The following LHFPL3 variants were observed in gnomAD, a reference collection of about 807,000 sequenced individuals.
The protein encoded by LHFPL3 is LHFPL tetraspan subfamily member 3 protein.
Under a neutral mutation model 19.3 loss-of-function variants are expected in LHFPL3, and 5 were observed. That is an observed-to-expected ratio of 0.26 (90% CI 0.14 to 0.54). The LOEUF (loss-of-function observed/expected upper bound fraction) is 0.54, where lower values mean the gene tolerates loss of function less well. LHFPL3 is among the 20% of genes least tolerant of loss of function. The pLI is 0.94. For missense variants in LHFPL3, 249 were observed against 307.4 expected (o/e 0.81, Z 1.42); for synonymous variants, 133 against 126.2 (o/e 1.05, Z -0.36).
At chr7:104,669,191 G>A (rs1792423142) in intron 1 of LHFPL3, 4 of 1,613,736 alleles carry the variant, frequency 2.5e-6, no homozygotes, top group Admixed American at 1.7e-5. Context: ...GAGAATGCTT[G>A]GGTGAAGCGA....
At chr7:104,866,078 C>G (rs1791714747) in intron 2 of LHFPL3, among the ~76,000 whole-genome samples, 2 of 152,124 alleles carry the variant, frequency 1.3e-5, no homozygotes, top group African/African-American at 4.8e-5. Flanking sequence ...GAAGGAAGCA[C>G]TAAACATGGA....
chr7:104,535,713 G>A (rs1185779328), intron 1 of LHFPL3, among the ~76,000 whole-genome samples: 1 of 152,210 alleles, frequency 6.6e-6, no homozygotes, highest in Non-Finnish European at 1.5e-5. Flanking sequence ...GACCAGGCTA[G>A]CCTTTGAGAG....
chr7:104,358,103 T>C (rs931472428), intron 1 of LHFPL3, among the ~76,000 whole-genome samples: 3 of 152,168 alleles, frequency 2.0e-5, no homozygotes, highest in African/African-American at 7.2e-5. Flanking sequence ...TTTATTTATA[T>C]GAAATATCCA....
intron 1 of LHFPL3, among the ~76,000 whole-genome samples, chr7:104,611,041 G>A (rs768061565): frequency 2.0e-5 from 3 of 152,150 alleles, no homozygotes; most frequent in Admixed American, 6.6e-5. Flanking sequence ...AGTGAGACAG[G>A]AACAGTGAGA....
intron 1 of LHFPL3, among the ~76,000 whole-genome samples, chr7:104,396,514 G>A (rs867977417): frequency 5.3e-4 from 80 of 151,930 alleles, no homozygotes; most frequent in African/African-American, 1.7e-3. Context: ...TCAAGGAAAG[G>A]ATAACATCTA....
chr7:104,559,584 A>G (rs1382747561), intron 1 of LHFPL3, among the ~76,000 whole-genome samples: 1 of 151,866 alleles, frequency 6.6e-6, no homozygotes, highest in Admixed American at 6.6e-5. Flanking sequence ...TTTTGGGCTG[A>G]GACGATGGGG....
At chr7:104,443,458 C>G (rs1303296422) in intron 1 of LHFPL3, among the ~76,000 whole-genome samples, 1 of 152,092 alleles carries the variant, frequency 6.6e-6, no homozygotes, top group East Asian at 1.9e-4. Flanking sequence ...TTGGTATGAC[C>G]CCCTCCCCAC....
intron 1 of LHFPL3, among the ~76,000 whole-genome samples, chr7:104,335,563 G>A (rs73193609): frequency 0.11 from 16,587 of 151,972 alleles, 1,279 homozygotes; most frequent in African/African-American, 0.21. Context: ...AAAAATAACC[G>A]GTCCCATATA....
At chr7:104,506,981 G>A (rs897865324) in intron 1 of LHFPL3, among the ~76,000 whole-genome samples, 1 of 152,180 alleles carries the variant, frequency 6.6e-6, no homozygotes, top group African/African-American at 2.4e-5. Context: ...CAGATATGTG[G>A]ACAGTCTCTA....
At chr7:104,624,222 C>T (rs959621029) in intron 1 of LHFPL3, among the ~76,000 whole-genome samples, 14 of 152,122 alleles carry the variant, frequency 9.2e-5, no homozygotes, top group African/African-American at 2.4e-4. Flanking sequence ...AAAACACGAG[C>T]GTCTATCTCC....
chr7:104,469,375 A>G (rs1241252518), intron 1 of LHFPL3, among the ~76,000 whole-genome samples: 2 of 152,156 alleles, frequency 1.3e-5, no homozygotes, highest in Admixed American at 1.3e-4. Context: ...ATACAGTGCT[A>G]CTCATTTTGT....
At chr7:104,417,863 C>CTT (rs1562890932) in intron 1 of LHFPL3, among the ~76,000 whole-genome samples, 1 of 122,508 alleles carries the variant, frequency 8.2e-6, no homozygotes, top group African/African-American at 3.6e-5. Flanking sequence ...TCTAATTCTT[C>CTT]TTCTTCTTCT....
intron 1 of LHFPL3, among the ~76,000 whole-genome samples, chr7:104,462,086 C>T (rs2097614): frequency 0.79 from 120,850 of 152,182 alleles, 48,323 homozygotes; most frequent in East Asian, 0.88. Context: ...TTTTGTACAT[C>T]GATTGTATAT....
chr7:104,702,205 T>C (rs1266744678), intron 1 of LHFPL3, among the ~76,000 whole-genome samples: 1 of 152,214 alleles, frequency 6.6e-6, no homozygotes, highest in Non-Finnish European at 1.5e-5. Context: ...GGACATGAAC[T>C]CATTGTTCTG....
At chr7:104,641,072 A>G (rs1480626764) in intron 1 of LHFPL3, among the ~76,000 whole-genome samples, 1 of 152,246 alleles carries the variant, frequency 6.6e-6, no homozygotes, top group East Asian at 1.9e-4. Flanking sequence ...AGAATCAGGC[A>G]GGCTAGGTTG....
intron 2 of LHFPL3, among the ~76,000 whole-genome samples, chr7:104,811,796 G>A (rs897009154): frequency 2.6e-5 from 4 of 152,122 alleles, no homozygotes; most frequent in African/African-American, 9.7e-5. Context: ...TTCTCATTTT[G>A]AAGGCTAAAC....
intron 2 of LHFPL3, among the ~76,000 whole-genome samples, chr7:104,849,206 C>A (rs1318222625): frequency 6.6e-6 from 1 of 152,216 alleles, no homozygotes; most frequent in Non-Finnish European, 1.5e-5. Flanking sequence ...TCTGGGATTA[C>A]AGGTGTGAGC....
At chr7:104,520,641 T>C (rs1205618664) in intron 1 of LHFPL3, among the ~76,000 whole-genome samples, 1 of 144,080 alleles carries the variant, frequency 6.9e-6, no homozygotes, top group Non-Finnish European at 1.5e-5. Context: ...TATTGGTCTA[T>C]TCAGAGATTC....
intron 1 of LHFPL3, among the ~76,000 whole-genome samples, chr7:104,421,191 A>G (rs1259694461): frequency 6.6e-6 from 1 of 152,242 alleles, no homozygotes; most frequent in Admixed American, 6.5e-5. Context: ...CCTATTATTG[A>G]AATTTATCAA....
Sources: gnomAD v4.1 joint callset for allele counts (sites outside exome capture counted in the v4.1 genomes callset) on GRCh38, gnomAD v4.1.1 for gene constraint, MANE v1.5 for transcripts, NCBI Gene and HGNC (gene_info 2026-07-23, HGNC 2026-07-21) for gene names.